C2orf76: variants seen among roughly 807,000 people sequenced by gnomAD.
C2orf76 encodes chromosome 2 open reading frame 76.
Under a neutral mutation model 16.9 loss-of-function variants are expected in C2orf76, and 23 were observed. That is an observed-to-expected ratio of 1.36 (90% confidence interval 0.98 to 1.93). The LOEUF (loss-of-function observed/expected upper bound fraction) is 1.93. Among genes scored for constraint, C2orf76 ranks in the 30% most tolerant of loss-of-function variants. The pLI is 0.00. For missense variants in C2orf76, 152 were observed against 152.6 expected (o/e 1.00, Z 0.02); for synonymous variants, 48 against 52.3 (o/e 0.92, Z 0.35).
At position 119,316,173 on chromosome 2, in the gene C2orf76, G is replaced by A. The variant is rs117578795; in HGVS notation, c.222+1293C>T. On this transcript the variant is annotated intron_variant, in intron 4 of 5. Coordinates refer to ENST00000334816, the MANE Select transcript of C2orf76 (RefSeq NM_001322331.2). ...AACATTACCTATTCTCTACATTTTA[G>A]GAATGAGGTTGAAAACATTCCTGTC... Among the ~76,000 whole-genome samples, 339 of 152,192 alleles carry A rather than the reference G, an allele frequency of 2.2e-3. 12 individuals are homozygous for A. The East Asian group carries it at 0.044, about 20-fold the overall frequency.
intron 1 of C2orf76, among the ~76,000 whole-genome samples, chr2:119,353,281 C>A (rs903314867): frequency 6.6e-6 from 1 of 152,102 alleles, no homozygotes; most frequent in African/African-American, 2.4e-5. Flanking sequence ...GATAAATGCT[C>A]ACCATTTACA....
chr2:119,285,327 T>C, the C2orf76 span, among the ~76,000 whole-genome samples: 1 of 152,204 alleles, frequency 6.6e-6, no homozygotes, highest in East Asian at 1.9e-4. Flanking sequence ...ATTTTTCCTG[T>C]AACAAATCAT....
At chr2:119,345,292 A>C (rs1680162509) in intron 1 of C2orf76, among the ~76,000 whole-genome samples, 3 of 152,254 alleles carry the variant, frequency 2.0e-5, no homozygotes, top group Admixed American at 2.0e-4. Flanking sequence ...TGAAAGAGAA[A>C]CAGTTATCAA....
At chr2:119,343,164 T>G (rs1462333013) in intron 1 of C2orf76, among the ~76,000 whole-genome samples, 1 of 152,230 alleles carries the variant, frequency 6.6e-6, no homozygotes, top group Non-Finnish European at 1.5e-5. Flanking sequence ...GTTTAACAAA[T>G]CTTTTCACAA....
intron 1 of C2orf76, among the ~76,000 whole-genome samples, chr2:119,364,023 A>AAGAG (rs1270931042): frequency 7.5e-6 from 1 of 134,064 alleles, no homozygotes; most frequent in Admixed American, 7.3e-5. Flanking sequence ...GTCTCAAAAA[A>AAGAG]ATAGAGAGAG....
the C2orf76 span, among the ~76,000 whole-genome samples, chr2:119,292,424 C>T: frequency 4.6e-5 from 7 of 152,156 alleles, no homozygotes; most frequent in African/African-American, 1.2e-4. Flanking sequence ...TCCGGGCATA[C>T]GCAGAGCCCT....
intron 5 of C2orf76, among the ~76,000 whole-genome samples, chr2:119,306,861 TAG>T (rs901411755): frequency 6.6e-6 from 1 of 152,144 alleles, no homozygotes; most frequent in Admixed American, 6.6e-5. Context: ...AAGGATGAAC[TAG>T]AGAATTTCTC....
At chr2:119,363,295 G>A (rs1680805521) in intron 1 of C2orf76, among the ~76,000 whole-genome samples, 1 of 151,878 alleles carries the variant, frequency 6.6e-6, no homozygotes, top group Non-Finnish European at 1.5e-5. Context: ...GTGGTGGCGG[G>A]CACCCATAGT....
chr2:119,357,597 C>CAA (rs56672129), intron 1 of C2orf76, among the ~76,000 whole-genome samples: 99 of 122,970 alleles, frequency 8.1e-4, no homozygotes, highest in South Asian at 5.1e-3. Flanking sequence ...AAAAACAAAC[C>CAA]AAAAAAAAAA....
downstream of C2orf76, among the ~76,000 whole-genome samples, chr2:119,299,615 C>G (rs1678586386): frequency 6.6e-6 from 1 of 151,962 alleles, no homozygotes; most frequent in Non-Finnish European, 1.5e-5. Flanking sequence ...CCTTCTTTGC[C>G]TCTTCTAGTT....
At chr2:119,329,632 G>A (rs1679611221) in intron 2 of C2orf76, among the ~76,000 whole-genome samples, 1 of 151,900 alleles carries the variant, frequency 6.6e-6, no homozygotes, top group Admixed American at 6.6e-5. Context: ...CTCATTAGCT[G>A]TAACCCTTAG....
chr2:119,365,874 T>C (rs1680953833), intron 1 of C2orf76, among the ~76,000 whole-genome samples: 1 of 152,094 alleles, frequency 6.6e-6, no homozygotes, highest in South Asian at 2.1e-4. Context: ...CGATTTCCCA[T>C]CTCACTCAGC....
chr2:119,362,014 T>C (rs1432975962), intron 1 of C2orf76, among the ~76,000 whole-genome samples: 1 of 152,196 alleles, frequency 6.6e-6, no homozygotes, highest in South Asian at 2.1e-4. Flanking sequence ...TTTTGAACAA[T>C]AGGAGTCCAA....
chr2:119,339,698 C>T (rs1231601347), intron 2 of C2orf76, 129 bp downstream of exon 2: 1 of 999,290 alleles, frequency 1.0e-6, no homozygotes, highest in African/African-American at 1.6e-5. Flanking sequence ...GGGGCTCGCC[C>T]AGCACCTGGC....
chr2:119,365,472 T>A (rs11676928), intron 1 of C2orf76, among the ~76,000 whole-genome samples: 26,354 of 152,208 alleles, frequency 0.17, 2,476 homozygotes, highest in East Asian at 0.23. Context: ...TGTTCCCTAT[T>A]GCATCTTCAT....
At chr2:119,303,385 T>C (rs1678677169) in intron 5 of C2orf76, among the ~76,000 whole-genome samples, 1 of 152,242 alleles carries the variant, frequency 6.6e-6, no homozygotes, top group South Asian at 2.1e-4. Flanking sequence ...CATTCATTTT[T>C]CAAATTAAAC....
At chr2:119,295,664 T>A in the C2orf76 span, among the ~76,000 whole-genome samples, 1 of 152,154 alleles carries the variant, frequency 6.6e-6, no homozygotes, top group African/African-American at 2.4e-5. Context: ...TTGGACATAA[T>A]AGAAATGAAG....
intron 2 of C2orf76, among the ~76,000 whole-genome samples, chr2:119,335,251 A>G (rs1679810782): frequency 6.6e-6 from 1 of 152,238 alleles, no homozygotes; most frequent in African/African-American, 2.4e-5. Flanking sequence ...GCCTTTAGAT[A>G]TCTACCATAG....
intron 2 of C2orf76, among the ~76,000 whole-genome samples, chr2:119,321,951 T>C (rs1212240329): frequency 6.6e-6 from 1 of 151,858 alleles, no homozygotes; most frequent in Non-Finnish European, 1.5e-5. Flanking sequence ...TCTAGAACAA[T>C]CTTATTACTC....
Sources: gnomAD v4.1 joint callset for allele counts (sites outside exome capture counted in the v4.1 genomes callset) on GRCh38, gnomAD v4.1.1 for gene constraint, MANE v1.5 for transcripts, NCBI Gene and HGNC (gene_info 2026-07-23, HGNC 2026-07-21) for gene names.